RFX6: variants seen among roughly 807,000 people sequenced by gnomAD.
RFX6 encodes the protein DNA-binding protein RFX6.
Under a neutral mutation model 110.8 loss-of-function variants are expected in RFX6, and 50 were observed. The observed-to-expected ratio is 0.45, with a 90% CI of 0.36 to 0.57. The LOEUF (loss-of-function observed/expected upper bound fraction) is 0.57, where lower values mean the gene tolerates loss of function less well. Ranked by LOEUF, RFX6 falls within the 20% of genes least tolerant of loss-of-function variation. RFX6 has a pLI of 0.00. For synonymous variants in RFX6, 383 were observed against 411.2 expected (o/e 0.93, Z 0.83); for missense variants, 990 against 1,127.0 (o/e 0.88, Z 1.74).
In RFX6 at chr6:116,918,025, G is replaced by A; in HGVS notation, c.973-12G>A. ...GTAAAGATTTGTATTAACCTCTTTT[G>A]CTATGATTAAGGTTCTTACAGATGT... is the stretch of plus-strand genomic sequence containing the variant. On this transcript the variant is annotated splice_polypyrimidine_tract_variant and intron_variant, in intron 9 of 18. Coordinates refer to ENST00000332958, the MANE Select transcript of RFX6 (RefSeq NM_173560.4). The A allele has an allele frequency of 6.3e-7, 1 of 1,587,758 alleles. No homozygotes were observed. The highest frequency in any genetic ancestry group is 8.6e-7 in the Non-Finnish European group (1 of 1,157,464).
chr6:116,918,544 A>G (rs1438702346), intron 10 of RFX6, among the ~76,000 whole-genome samples: 1 of 150,104 alleles, frequency 6.7e-6, no homozygotes, highest in African/African-American at 2.5e-5. Context: ...TTGAAACAAT[A>G]CCAGAAGATT....
At chr6:116,928,629 GTA>G in intron 17 of RFX6, 128 bp from the exon 18 acceptor site, 1 of 718,032 alleles carries the variant, frequency 1.4e-6, no homozygotes, top group Non-Finnish European at 2.5e-6. Context: ...TCTGTAGCAT[GTA>G]TAGATACACA....
intron 4 of RFX6, among the ~76,000 whole-genome samples, chr6:116,888,494 G>A (rs1264286739): frequency 6.6e-6 from 1 of 152,064 alleles, no homozygotes; most frequent in Non-Finnish European, 1.5e-5. Flanking sequence ...CATAGAAGCT[G>A]CTTTCATGAC....
intron 6 of RFX6, among the ~76,000 whole-genome samples, chr6:116,905,422 C>G (rs1201251893): frequency 6.6e-6 from 1 of 152,096 alleles, no homozygotes; most frequent in Non-Finnish European, 1.5e-5. Flanking sequence ...TAGGAGTTCT[C>G]AATATATTCT....
intron 2 of RFX6, among the ~76,000 whole-genome samples, chr6:116,879,521 A>G (rs1338326288): frequency 6.6e-6 from 1 of 151,808 alleles, no homozygotes; most frequent in South Asian, 2.1e-4. Flanking sequence ...AATGAGTGAT[A>G]TTTTACCTGT....
chr6:116,894,555 A>G (rs1214836057), intron 5 of RFX6, among the ~76,000 whole-genome samples: 1 of 152,132 alleles, frequency 6.6e-6, no homozygotes, highest in Non-Finnish European at 1.5e-5. Flanking sequence ...TTGGGTTTCT[A>G]TGAAAGGTAA....
intron 6 of RFX6, among the ~76,000 whole-genome samples, chr6:116,907,268 TG>T (rs1412289596): frequency 3.9e-5 from 6 of 152,130 alleles, no homozygotes; most frequent in Non-Finnish European, 8.8e-5. Flanking sequence ...ACTAATATTT[TG>T]TGGAGAGTTT....
intron 6 of RFX6, among the ~76,000 whole-genome samples, chr6:116,898,638 T>A (rs1232629193): frequency 2.0e-5 from 3 of 152,110 alleles, no homozygotes; most frequent in Non-Finnish European, 4.4e-5. Context: ...TGTAGAGGAA[T>A]TGGCCCTAGA....
intron 6 of RFX6, among the ~76,000 whole-genome samples, chr6:116,900,303 C>T (rs1052005158): frequency 6.6e-6 from 1 of 151,802 alleles, no homozygotes; most frequent in South Asian, 2.1e-4. Flanking sequence ...TCACCCAGGT[C>T]GGAGTGCAGT....
intron 6 of RFX6, among the ~76,000 whole-genome samples, chr6:116,898,794 G>A (rs1775005628): frequency 1.3e-5 from 2 of 152,170 alleles, no homozygotes; most frequent in African/African-American, 2.4e-5. Flanking sequence ...TGTAGGTCAT[G>A]TGCTGTGGCA....
chr6:116,929,655 T>C (rs569115530), intron 18 of RFX6, among the ~76,000 whole-genome samples: 1 of 152,312 alleles, frequency 6.6e-6, no homozygotes, highest in South Asian at 2.1e-4. Context: ...AGTAATAACA[T>C]AGATTTAGTC....
At chr6:116,909,565 A>C (rs1775285710) in intron 6 of RFX6, among the ~76,000 whole-genome samples, 1 of 151,484 alleles carries the variant, frequency 6.6e-6, no homozygotes, top group South Asian at 2.1e-4. Flanking sequence ...TAATAAATAG[A>C]GTGGATTGGG....
At position 116,877,388 on chromosome 6, in the gene RFX6, T is replaced by A. The variant is rs1774482376; in HGVS notation, c.113T>A (p.Leu38Gln). 1.2e-6 allele frequency: 2 copies of A among 1,609,674 alleles called. No individual in the cohort carries two copies. Among genetic ancestry groups the A allele is most frequent in the Non-Finnish European group, 1.7e-6 (2 of 1,178,160 alleles). The change falls in exon 1 of 19, where the codon CTA becomes CAA. Residue 38 changes from leucine to glutamine, a missense_variant. Around this residue, in one of 5 missense-constraint regions of RFX6, gnomAD observed 175 missense variants for 162.3 expected, o/e 1.08. Transcript: ENST00000332958. Reference sequence around the variant, plus strand: ...GTGCAGCTCCTGGGCAAGGGCTTGCTAGTCTATCCGGAAGAAACAGTGTAC... The same window carrying A: ...GTGCAGCTCCTGGGCAAGGGCTTGCAAGTCTATCCGGAAGAAACAGTGTAC... ...CCVQLLGKGL[L>Q]VYPEETVYLA...
chr6:116,905,850 T>A (rs1271611605), intron 6 of RFX6, among the ~76,000 whole-genome samples: 1 of 152,184 alleles, frequency 6.6e-6, no homozygotes, highest in African/African-American at 2.4e-5. Flanking sequence ...GAACTATTTT[T>A]TTTATGAAGT....
chr6:116,918,310 T>C (rs1385842926), intron 10 of RFX6, among the ~76,000 whole-genome samples: 1 of 152,028 alleles, frequency 6.6e-6, no homozygotes, highest in Non-Finnish European at 1.5e-5. Context: ...GCGGCTAAAG[T>C]GAAAAATAGA....
At chr6:116,881,582 C>T (rs920239624) in intron 3 of RFX6, among the ~76,000 whole-genome samples, 3 of 152,086 alleles carry the variant, frequency 2.0e-5, no homozygotes, top group Admixed American at 2.0e-4. Context: ...ATTGTGAGAC[C>T]TTCTGAAAAG....
chr6:116,921,970 T>C, intron 12 of RFX6, 72 bp from the exon 13 acceptor site: 1 of 746,614 alleles, frequency 1.3e-6, no homozygotes. Context: ...AGTTTTAGGT[T>C]TTCTCTTGGA....
rs944520812 is a variant in RFX6 at position 116,915,999 on chromosome 6, T to A, written c.781-9T>A. ...ATGCTTTGGTTAAGCTTTTTCTTCC[T>A]TGAAATAGGTTGATACGCTCATAAT... On this transcript the variant is annotated splice_polypyrimidine_tract_variant and intron_variant, in intron 7 of 18. Coordinates refer to ENST00000332958, the MANE Select transcript of RFX6 (RefSeq NM_173560.4). 1.9e-6 allele frequency: 3 copies of A among 1,597,056 alleles called. No individual in the cohort carries two copies. The highest frequency in any genetic ancestry group is 2.6e-6 in the Non-Finnish European group (3 of 1,165,432).
chr6:116,923,174 T>G lies in RFX6; in HGVS notation c.1505T>G (p.Phe502Cys), dbSNP rs775644389. 1 of 1,608,292 alleles carries G rather than the reference T, an allele frequency of 6.2e-7. No homozygotes were observed. The highest frequency in any genetic ancestry group is 1.3e-5 in the African/African-American group (1 of 74,810). The change falls in exon 14 of 19, where the codon TTT becomes TGT. Residue 502 changes from phenylalanine to cysteine, a missense_variant. Coordinates refer to ENST00000332958, the MANE Select transcript of RFX6 (RefSeq NM_173560.4). ...AQDFLLKWSF[F>C]GARVMHNLTL... The stretch of plus-strand genomic sequence containing the variant: ...GACTTTCTGTTAAAGTGGAGTTTTT[T>G]TGGTGCTCGAGTAATGCATAATCTC...
Sources: gnomAD v4.1 joint callset for allele counts (sites outside exome capture counted in the v4.1 genomes callset) on GRCh38, gnomAD v4.1.1 for gene constraint, gnomAD v4.1.1 regional missense constraint, MANE v1.5 for transcripts, NCBI Gene and HGNC (gene_info 2026-07-23, HGNC 2026-07-21) for gene names.